COPG2: variants seen among roughly 807,000 people sequenced by gnomAD.
COPG2 encodes coatomer subunit gamma-2.
COPG2 carries 37 observed loss-of-function variants against 46.3 expected under a neutral mutation model. That is an observed-to-expected ratio of 0.80 (90% CI 0.61 to 1.05). The LOEUF is 1.05. COPG2 is among the 50% of genes least tolerant of loss of function. The probability of loss-of-function intolerance (pLI) is 0.00; values close to 1 mark genes in which losing one functional copy is unlikely to be tolerated. For missense variants in COPG2, 427 were observed against 387.8 expected, an observed-to-expected ratio of 1.10 and a Z score of -0.85; for synonymous variants, 159 against 129.7, an observed-to-expected ratio of 1.23 and a Z score of -1.53.
intron 3 of COPG2, among the ~76,000 whole-genome samples, chr7:130,664,457 G>A (rs1331686568): frequency 1.3e-5 from 2 of 152,128 alleles, no homozygotes; most frequent in Non-Finnish European, 2.9e-5. Flanking sequence ...TAGTTATACA[G>A]GAAAACCTTA....
intron 9 of COPG2, among the ~76,000 whole-genome samples, chr7:130,601,367 T>C (rs1436223233): frequency 1.3e-5 from 2 of 152,218 alleles, no homozygotes; most frequent in African/African-American, 2.4e-5. Context: ...TGCACACGTA[T>C]GTTTATTGTG....
chr7:130,588,531 C>G (rs1344108520), intron 9 of COPG2, among the ~76,000 whole-genome samples: 1 of 151,952 alleles, frequency 6.6e-6, no homozygotes, highest in Non-Finnish European at 1.5e-5. Context: ...TCATTCTCAG[C>G]AAAATATCAC....
Position 130,667,051 on chromosome 7 carries a change from C to G in COPG2, c.91-122G>C, listed in dbSNP as rs1183915154. On this transcript the variant is annotated intron_variant, in intron 2 of 23. Coordinates refer to ENST00000425248, the MANE Select transcript of COPG2 (RefSeq NM_012133.6). ...TCCAAAGAACATTGTCTATAGTTCT[C>G]AATTTACTAAGGTATCTGATAAATT... 5 of 591,528 alleles carry G rather than the reference C, an allele frequency of 8.5e-6. No homozygotes were observed. In the East Asian group the frequency reaches 1.5e-4, roughly 17 times the overall value. The allele number at this position is 591,528 out of a possible 1,614,324, so 36.6% of individuals were successfully genotyped here. A position where few individuals can be genotyped will look rare whatever the true frequency, so the allele number is the denominator to read the frequency against.
chr7:130,512,066 A>AC (rs1382317470), intron 20 of COPG2, among the ~76,000 whole-genome samples: 1 of 151,116 alleles, frequency 6.6e-6, no homozygotes, highest in African/African-American at 2.4e-5. Flanking sequence ...AAAAAAAAAA[A>AC]AAAAAAAAAA....
chr7:130,639,278 G>T (rs1197246911), intron 5 of COPG2, among the ~76,000 whole-genome samples: 1 of 152,148 alleles, frequency 6.6e-6, no homozygotes, highest in African/African-American at 2.4e-5. Context: ...TGTATATATA[G>T]CTCACTGCTG....
chr7:130,658,463 G>A lies in COPG2; in HGVS notation c.243+4504C>T, dbSNP rs560717535. On this transcript the variant is annotated intron_variant, in intron 4 of 23. Transcript: ENST00000425248. ...AATGTTCTAAACCTCAATTGTGGTG[G>A]TGATAACACCACTATATGTGTTTGT... 1.1e-3 allele frequency among the ~76,000 whole-genome samples: 164 copies of A among 152,144 alleles called. No individual in the cohort carries two copies. In the Middle Eastern group the frequency reaches 0.027, roughly 25 times the overall value.
At chr7:130,577,633 C>T (rs1554446450) in intron 9 of COPG2, among the ~76,000 whole-genome samples, 2 of 151,260 alleles carry the variant, frequency 1.3e-5, no homozygotes, top group Non-Finnish European at 1.5e-5. Context: ...CGGTGGCGGG[C>T]GCCTGTAGTC....
chr7:130,599,597 T>A (rs1024335814), intron 9 of COPG2, among the ~76,000 whole-genome samples: 2 of 152,018 alleles, frequency 1.3e-5, no homozygotes, highest in Non-Finnish European at 2.9e-5. Context: ...CTTTCTTGAG[T>A]TTGTACATTT....
At chr7:130,551,028 G>A (rs1269171857) in intron 16 of COPG2, among the ~76,000 whole-genome samples, 6 of 151,998 alleles carry the variant, frequency 3.9e-5, no homozygotes, top group African/African-American at 1.5e-4. Flanking sequence ...AAATGTAAGG[G>A]CCCAATCTAT....
At chr7:130,616,321 G>C (rs1260372173) in intron 6 of COPG2, among the ~76,000 whole-genome samples, 1 of 152,136 alleles carries the variant, frequency 6.6e-6, no homozygotes, top group Non-Finnish European at 1.5e-5. Context: ...AGTATTTTGA[G>C]ATTTCTTCTG....
intron 5 of COPG2, among the ~76,000 whole-genome samples, chr7:130,628,256 T>C (rs919376042): frequency 6.6e-6 from 1 of 152,110 alleles, no homozygotes; most frequent in South Asian, 2.1e-4. Flanking sequence ...CCCCGCCCCC[T>C]TTCTGCCTGA....
chr7:130,586,127 T>C (rs1794263351), intron 9 of COPG2, among the ~76,000 whole-genome samples: 1 of 152,108 alleles, frequency 6.6e-6, no homozygotes. Context: ...GATGGAATAC[T>C]ACTCAGCCAT....
At chr7:130,581,947 C>G (rs1425359376) in intron 9 of COPG2, among the ~76,000 whole-genome samples, 2 of 151,684 alleles carry the variant, frequency 1.3e-5, no homozygotes, top group Non-Finnish European at 2.9e-5. Flanking sequence ...GATTCAATGC[C>G]ATCCCCATAA....
intron 20 of COPG2, chr7:130,509,719 A>G (rs1799565586): frequency 5.8e-6 from 3 of 519,498 alleles, no homozygotes; most frequent in Non-Finnish European, 1.2e-5. Flanking sequence ...TGTCTCTAGG[A>G]GCTGTCTAGG....
chr7:130,561,858 A>G (rs1793726975), intron 11 of COPG2, among the ~76,000 whole-genome samples: 1 of 152,232 alleles, frequency 6.6e-6, no homozygotes, highest in African/African-American at 2.4e-5. Context: ...TTAATTCTTA[A>G]TTTATACCAC....
chr7:130,639,658 T>G (rs1795423603), intron 5 of COPG2, among the ~76,000 whole-genome samples: 1 of 152,246 alleles, frequency 6.6e-6, no homozygotes, highest in Non-Finnish European at 1.5e-5. Flanking sequence ...AAGTTCTGCC[T>G]CGCCTTCTGT....
At chr7:130,618,063 TGTA>T (rs1463694528) in intron 5 of COPG2, among the ~76,000 whole-genome samples, 56 of 124,114 alleles carry the variant, frequency 4.5e-4, no homozygotes, top group African/African-American at 1.6e-3. Flanking sequence ...ATGGCACCAC[TGTA>T]CTCCAACCTG....
intron 5 of COPG2, chr7:130,645,412 TGTCCATGGGGTGGA>T: frequency 2.0e-6 from 1 of 495,202 alleles, no homozygotes; most frequent in South Asian, 1.6e-5. Flanking sequence ...CACCCGTCGG[TGTCCATGGGGTGGA>T]GCCCATGGGC....
At chr7:130,594,548 C>T (rs533040812) in intron 9 of COPG2, among the ~76,000 whole-genome samples, 8 of 152,134 alleles carry the variant, frequency 5.3e-5, no homozygotes, top group Non-Finnish European at 1.0e-4. Flanking sequence ...TTTGAAAGAA[C>T]ACTATATCAA....
Sources: gnomAD v4.1 joint callset for allele counts (sites outside exome capture counted in the v4.1 genomes callset) on GRCh38, gnomAD v4.1.1 for gene constraint, MANE v1.5 for transcripts, NCBI Gene and HGNC (gene_info 2026-07-23, HGNC 2026-07-21) for gene names.